The following PTPRD variants were observed in gnomAD, a reference collection of about 807,000 sequenced individuals.
The protein encoded by PTPRD is receptor-type tyrosine-protein phosphatase delta.
Under a neutral mutation model 214.5 loss-of-function variants are expected in PTPRD, and 34 were observed. That is an observed-to-expected ratio of 0.16 (90% CI 0.12 to 0.21). The LOEUF is 0.21. PTPRD is among the 10% of genes least tolerant of loss of function. PTPRD has a pLI of 1.00. For missense variants in PTPRD, 2,545 were observed against 2,398.7 expected, an observed-to-expected ratio of 1.06 and a Z score of -1.27; for synonymous variants, 1,128 against 845.7, an observed-to-expected ratio of 1.33 and a Z score of -5.79.
intron 30 of PTPRD, among the ~76,000 whole-genome samples, chr9:8,475,796 C>T (rs896908569): frequency 2.6e-5 from 4 of 152,114 alleles, no homozygotes; most frequent in Admixed American, 6.5e-5. Context: ...CTCCAGTGCA[C>T]GTGCTTTTCT....
intron 9 of PTPRD, among the ~76,000 whole-genome samples, chr9:9,233,358 C>G (rs1313650350): frequency 6.6e-6 from 1 of 152,190 alleles, no homozygotes; most frequent in South Asian, 2.1e-4. Context: ...TACCTCCCAA[C>G]AGGTCCCTTC....
intron 2 of PTPRD, among the ~76,000 whole-genome samples, chr9:10,589,527 A>G (rs1245816272): frequency 6.6e-6 from 1 of 152,118 alleles, no homozygotes; most frequent in African/African-American, 2.4e-5. Context: ...ACCCTCTAGT[A>G]AAGTATAAAA....
intron 4 of PTPRD, among the ~76,000 whole-genome samples, chr9:9,965,144 G>C (rs780328948): frequency 5.9e-5 from 9 of 152,130 alleles, no homozygotes; most frequent in Non-Finnish European, 1.0e-4. Context: ...AACGTGGATA[G>C]ATTCAAACTG....
At chr9:9,473,058 A>T (rs1043909878) in intron 8 of PTPRD, among the ~76,000 whole-genome samples, 1 of 152,138 alleles carries the variant, frequency 6.6e-6, no homozygotes, top group Admixed American at 6.5e-5. Context: ...AGAACATTAA[A>T]ATTTATTCCT....
chr9:10,484,233 G>C (rs535400937), intron 2 of PTPRD, among the ~76,000 whole-genome samples: 8 of 152,216 alleles, frequency 5.3e-5, no homozygotes, highest in African/African-American at 9.6e-5. Context: ...TTATACGTGA[G>C]AGTTAAGCTA....
chr9:9,991,112 T>C (rs778293708), intron 4 of PTPRD, among the ~76,000 whole-genome samples: 5 of 151,756 alleles, frequency 3.3e-5, no homozygotes, highest in African/African-American at 7.3e-5. Context: ...TTTTGTACTT[T>C]TAGTAGAAAC....
chr9:8,336,265 G>C (rs942328575), intron 43 of PTPRD, among the ~76,000 whole-genome samples: 1 of 148,606 alleles, frequency 6.7e-6, no homozygotes, highest in Non-Finnish European at 1.5e-5. Flanking sequence ...ATAGACCAAT[G>C]GAACAGAACA....
At chr9:8,842,343 T>C (rs2097574844) in intron 11 of PTPRD, among the ~76,000 whole-genome samples, 1 of 152,180 alleles carries the variant, frequency 6.6e-6, no homozygotes, top group Non-Finnish European at 1.5e-5. Context: ...ACATATTTTT[T>C]TTCTGTTTCT....
chr9:9,837,648 C>A (rs1430007476), intron 5 of PTPRD, among the ~76,000 whole-genome samples: 1 of 152,022 alleles, frequency 6.6e-6, no homozygotes, highest in Non-Finnish European at 1.5e-5. Context: ...ATGTCAAAGG[C>A]CCTGCAGTGT....
At chr9:10,573,662 G>T (rs887101660) in intron 2 of PTPRD, among the ~76,000 whole-genome samples, 3 of 152,150 alleles carry the variant, frequency 2.0e-5, no homozygotes, top group African/African-American at 7.2e-5. Context: ...CCTGCACGGG[G>T]CTACAGCGCA....
At chr9:9,782,902 G>C (rs1026669841) in intron 5 of PTPRD, among the ~76,000 whole-genome samples, 8 of 152,148 alleles carry the variant, frequency 5.3e-5, no homozygotes, top group Non-Finnish European at 1.0e-4. Flanking sequence ...TATTCTTCCA[G>C]TACTTTATAA....
At chr9:9,940,244 A>G (rs1427307040) in intron 4 of PTPRD, among the ~76,000 whole-genome samples, 1 of 152,080 alleles carries the variant, frequency 6.6e-6, no homozygotes, top group Non-Finnish European at 1.5e-5. Context: ...GTAGCGTAAG[A>G]TGGCAGCACA....
intron 4 of PTPRD, among the ~76,000 whole-genome samples, chr9:9,940,631 TATA>T (rs749095889): frequency 6.2e-4 from 94 of 152,280 alleles, no homozygotes; most frequent in Non-Finnish European, 1.1e-3. Flanking sequence ...ACCTGGAGGC[TATA>T]ATATTAACAA....
intron 11 of PTPRD, among the ~76,000 whole-genome samples, chr9:8,824,223 C>A (rs2097132483): frequency 6.6e-6 from 1 of 152,150 alleles, no homozygotes; most frequent in South Asian, 2.1e-4. Flanking sequence ...TGGGTCCTAG[C>A]CTCATTTTAC....
chr9:8,559,712 C>A (rs1481315477), intron 14 of PTPRD, among the ~76,000 whole-genome samples: 1 of 152,194 alleles, frequency 6.6e-6, no homozygotes, highest in Non-Finnish European at 1.5e-5. Flanking sequence ...AAGAATCCCT[C>A]TATCACCTTT....
At chr9:9,169,126 C>T (rs1481656206) in intron 10 of PTPRD, among the ~76,000 whole-genome samples, 1 of 151,978 alleles carries the variant, frequency 6.6e-6, no homozygotes, top group African/African-American at 2.4e-5. Context: ...CTCATCTTAT[C>T]TAATACACTG....
intron 2 of PTPRD, among the ~76,000 whole-genome samples, chr9:10,568,211 G>A (rs2066275067): frequency 6.8e-6 from 1 of 148,082 alleles, no homozygotes; most frequent in African/African-American, 2.5e-5. Flanking sequence ...GTGAGAACAT[G>A]CGGTGTTTGG....
At chr9:9,565,537 T>C (rs2084251478) in intron 8 of PTPRD, among the ~76,000 whole-genome samples, 1 of 151,950 alleles carries the variant, frequency 6.6e-6, no homozygotes, top group Non-Finnish European at 1.5e-5. Flanking sequence ...TTTCTTTTTG[T>C]TATTTATATT....
intron 10 of PTPRD, among the ~76,000 whole-genome samples, chr9:9,019,325 A>T (rs189388781): frequency 3.1e-5 from 2 of 63,496 alleles, no homozygotes; most frequent in South Asian, 1.1e-3. Flanking sequence ...AGAAAGAAAG[A>T]AAGAAAGAAA....
Sources: gnomAD v4.1 joint callset for allele counts (sites outside exome capture counted in the v4.1 genomes callset) on GRCh38, gnomAD v4.1.1 for gene constraint, MANE v1.5 for transcripts, NCBI Gene and HGNC (gene_info 2026-07-23, HGNC 2026-07-21) for gene names.